The following RNF38 variants were observed in gnomAD, a reference collection of about 807,000 sequenced individuals.
RNF38 encodes ring finger protein 38, also known as E3 ubiquitin-protein ligase RNF38.
Under a neutral mutation model 67.2 loss-of-function variants are expected in RNF38, and 15 were observed. The observed-to-expected ratio is 0.22, with a 90% confidence interval of 0.15 to 0.34. The LOEUF (loss-of-function observed/expected upper bound fraction) is 0.34, where lower values mean the gene tolerates loss of function less well. RNF38 is among the 10% of genes least tolerant of loss of function. RNF38 has a pLI of 1.00. For synonymous variants in RNF38, 220 were observed against 218.8 expected, an observed-to-expected ratio of 1.01 and a Z score of -0.05; for missense variants, 524 against 639.9, an observed-to-expected ratio of 0.82 and a Z score of 1.95.
At position 36,461,444 on chromosome 9, in the gene RNF38, T is replaced by C. The variant is rs948547938; in HGVS notation, n.241+25864A>G. Among the ~76,000 whole-genome samples the C allele has an allele frequency of 5.9e-5, 9 of 152,096 alleles. No individual in the cohort carries two copies. The East Asian group carries it at 1.2e-3, about 19-fold the overall frequency. Reference sequence around the variant, plus strand: ...GTACTCAAAGGGTAGAACAAGAGTGTTCTATGCAGAGAAAACAGCCTGGAA... The same window carrying C: ...GTACTCAAAGGGTAGAACAAGAGTGCTCTATGCAGAGAAAACAGCCTGGAA... On this transcript the variant is annotated intron_variant and non_coding_transcript_variant, in intron 1 of 3. Transcript: ENST00000488058.
intron 10 of RNF38, among the ~76,000 whole-genome samples, chr9:36,343,143 T>A (rs1832969684): frequency 6.6e-6 from 1 of 152,226 alleles, no homozygotes; most frequent in Non-Finnish European, 1.5e-5. Flanking sequence ...TTTTCTATTT[T>A]TATTTTTTCC....
intron 4 of RNF38, among the ~76,000 whole-genome samples, chr9:36,363,120 G>A (rs1302974324): frequency 1.0e-5 from 1 of 99,028 alleles, no homozygotes; most frequent in African/African-American, 3.0e-5. Flanking sequence ...TATGAGATGG[G>A]GGTCTCACTC....
At chr9:36,420,045 T>C (rs557425895) in intron 2 of RNF38, among the ~76,000 whole-genome samples, 1 of 152,206 alleles carries the variant, frequency 6.6e-6, no homozygotes, top group South Asian at 2.1e-4. Flanking sequence ...CACAGTTGAA[T>C]GGGTGAAGTT....
intron 4 of RNF38, among the ~76,000 whole-genome samples, chr9:36,362,340 A>C (rs1430339728): frequency 6.6e-6 from 1 of 151,940 alleles, no homozygotes; most frequent in Admixed American, 6.6e-5. Context: ...CCTAGGCAAC[A>C]AGAGCAAAAC....
chr9:36,413,926 T>C (rs1187223755), intron 2 of RNF38, among the ~76,000 whole-genome samples: 1 of 152,190 alleles, frequency 6.6e-6, no homozygotes, highest in Non-Finnish European at 1.5e-5. Flanking sequence ...TAAATGCAAA[T>C]ATATTTAGGA....
intron 1 of RNF38, among the ~76,000 whole-genome samples, chr9:36,479,013 T>C (rs1336222621): frequency 6.6e-6 from 1 of 152,112 alleles, no homozygotes; most frequent in Non-Finnish European, 1.5e-5. Context: ...CCAAGCTCAG[T>C]CTTGTCCTTT....
At chr9:36,368,802 T>C (rs1835161088) in intron 4 of RNF38, among the ~76,000 whole-genome samples, 1 of 151,956 alleles carries the variant, frequency 6.6e-6, no homozygotes, top group African/African-American at 2.4e-5. Context: ...TCTCTGGTAA[T>C]TTTTTTTGGT....
intron 1 of RNF38, 23 bp from the exon 2 acceptor site, chr9:36,390,639 G>C (rs777923161): frequency 3.1e-6 from 5 of 1,613,218 alleles, no homozygotes; most frequent in Non-Finnish European, 2.5e-6. Context: ...GGAAGAAAAG[G>C]ATAGTTCATG....
At chr9:36,397,389 C>T (rs758281570) in intron 1 of RNF38, among the ~76,000 whole-genome samples, 13 of 152,112 alleles carry the variant, frequency 8.5e-5, no homozygotes, top group Non-Finnish European at 1.5e-4. Flanking sequence ...GCTGGGATTA[C>T]AGGCGTGAGC....
At chr9:36,378,908 T>TC (rs1835993290) in intron 2 of RNF38, among the ~76,000 whole-genome samples, 1 of 151,490 alleles carries the variant, frequency 6.6e-6, no homozygotes, top group Non-Finnish European at 1.5e-5. Context: ...TTTTTCCTTT[T>TC]TTTTTTTTTG....
intron 4 of RNF38, among the ~76,000 whole-genome samples, chr9:36,364,097 T>A (rs905946145): frequency 1.3e-5 from 2 of 148,514 alleles, no homozygotes; most frequent in Non-Finnish European, 3.0e-5. Context: ...CCCAAAGTGC[T>A]AGGATTACAG....
rs1303007637 is a variant in RNF38 at position 36,338,200 on chromosome 9, C to T, written c.*1552G>A. 1 of 152,060 alleles carries T rather than the reference C, an allele frequency of 6.6e-6. No individual in the cohort carries two copies. The highest frequency in any genetic ancestry group is 1.5e-5 in the Non-Finnish European group (1 of 68,018). The allele number at this position is 152,060 out of a possible 1,614,324, so 9.4% of individuals were successfully genotyped here. On this transcript the variant is annotated 3_prime_UTR_variant, in exon 12 of 12. Transcript: ENST00000259605. The stretch of plus-strand genomic sequence containing the variant: ...GAATGAGAAAGTAATTTAAACATTG[C>T]TGGAAAAATGACTTTAAAGTGAATT...
intron 1 of RNF38, among the ~76,000 whole-genome samples, chr9:36,459,288 G>A (rs1246561013): frequency 6.6e-6 from 1 of 152,080 alleles, no homozygotes; most frequent in Non-Finnish European, 1.5e-5. Context: ...AAATGTTCTG[G>A]GGGAATCTCT....
intron 1 of RNF38, among the ~76,000 whole-genome samples, chr9:36,455,251 G>A (rs1240462781): frequency 1.3e-5 from 2 of 151,368 alleles, no homozygotes; most frequent in Non-Finnish European, 1.5e-5. Flanking sequence ...AGTAGAGACG[G>A]GCATTTCACT....
At chr9:36,371,306 T>C (rs1835360012) in intron 3 of RNF38, among the ~76,000 whole-genome samples, 2 of 152,364 alleles carry the variant, frequency 1.3e-5, no homozygotes, top group South Asian at 4.1e-4. Flanking sequence ...GCTCTTGATA[T>C]TGTCCCTCCA....
intron 1 of RNF38, among the ~76,000 whole-genome samples, chr9:36,448,570 G>A (rs747413505): frequency 1.3e-5 from 2 of 151,982 alleles, no homozygotes; most frequent in South Asian, 2.1e-4. Flanking sequence ...CAATCTCTCC[G>A]CAACTCAGTA....
chr9:36,398,887 C>G (rs1417048065), intron 1 of RNF38, among the ~76,000 whole-genome samples: 1 of 152,134 alleles, frequency 6.6e-6, no homozygotes, highest in African/African-American at 2.4e-5. Flanking sequence ...TGAGCAAGTA[C>G]CTAATCATTT....
In RNF38 at chr9:36,390,508, T is replaced by G; in HGVS notation, c.121A>C (p.Thr41Pro). The change falls in exon 2 of 12, where the codon ACT becomes CCT. Residue 41 changes from threonine to proline, a missense_variant. This residue lies in a region of RNF38 where 461 missense variants were observed against 517.4 expected (regional missense o/e 0.89). Coordinates refer to ENST00000259605, the MANE Select transcript of RNF38 (RefSeq NM_022781.5). The part of the protein sequence containing the change: ...LFPLLPSDQN[T>P]TVQEDAHFKA... ...AAGTGAGCATCCTCTTGAACGGTAG[T>G]GTTCTGATCACTTGGGAGGAGAGGG... The G allele has an allele frequency of 2.5e-6, 4 of 1,614,136 alleles. No homozygotes were observed. Among genetic ancestry groups the G allele is most frequent in the Non-Finnish European group, 3.4e-6 (4 of 1,179,984 alleles).
At chr9:36,400,975 G>A, upstream of RNF38, 2 of 981,022 alleles carry the variant, frequency 2.0e-6, no homozygotes, top group South Asian at 4.7e-5. Context: ...CCTATGCGCC[G>A]GCGCACTGGC....
Sources: gnomAD v4.1 joint callset for allele counts (sites outside exome capture counted in the v4.1 genomes callset) on GRCh38, gnomAD v4.1.1 for gene constraint, gnomAD v4.1.1 regional missense constraint, MANE v1.5 for transcripts, NCBI Gene and HGNC (gene_info 2026-07-23, HGNC 2026-07-21) for gene names.